The following LTBP4 variants were observed in gnomAD, a reference collection of about 807,000 sequenced individuals.
LTBP4 encodes latent-transforming growth factor beta-binding protein 4.
Under a neutral mutation model 180.2 loss-of-function variants are expected in LTBP4, and 93 were observed. The ratio of observed to expected loss-of-function variants is 0.52; its 90% CI spans 0.44 to 0.61. The LOEUF (loss-of-function observed/expected upper bound fraction) is 0.61. LTBP4 is among the 20% of genes least tolerant of loss of function. The probability of loss-of-function intolerance (pLI) is 0.00; values close to 1 mark genes in which losing one functional copy is unlikely to be tolerated. For missense variants in LTBP4, 2,116 were observed against 2,256.5 expected (o/e 0.94, Z 1.26); for synonymous variants, 947 against 934.5 (o/e 1.01, Z -0.24).
chr19:40,610,056 C>A, intron 11 of LTBP4, 185 bp downstream of exon 11: 1 of 766,406 alleles, frequency 1.3e-6, no homozygotes, highest in Non-Finnish European at 2.0e-6. Flanking sequence ...CCTTTGACCC[C>A]ACCCCTACCC....
In LTBP4 at chr19:40,611,909, G is replaced by C; in HGVS notation, c.2104G>C (p.Glu702Gln). Residue 702 changes from glutamate (E) to glutamine (Q), a missense_variant, in exon 14 of 30, where the codon GAG becomes CAG. Transcript: ENST00000396819. The surrounding 1 kb of genome is among the most constrained non-coding windows in gnomAD (Gnocchi z 4.4). ...SPPPCTYGRC[E>Q]NTEGSFQCVC... ...CCCACCCTGCACCTACGGCCGGTGT[G>C]AGAACACAGAAGGCAGCTTCCAGTG... The C allele has an allele frequency of 6.2e-7, 1 of 1,610,122 alleles. No homozygotes were observed. Among genetic ancestry groups the C allele is most frequent in the Non-Finnish European group, 8.5e-7 (1 of 1,178,472 alleles).
At chr19:40,621,091 G>A (rs572735946) in intron 22 of LTBP4, among the ~76,000 whole-genome samples, 8 of 152,122 alleles carry the variant, frequency 5.3e-5, no homozygotes, top group East Asian at 1.9e-4. Context: ...ACAGGTGTCC[G>A]CCACCACGCC....
chr19:40,621,851 G>T (rs1256646243), intron 22 of LTBP4, among the ~76,000 whole-genome samples: 2 of 152,064 alleles, frequency 1.3e-5, no homozygotes, highest in African/African-American at 4.8e-5. Context: ...GGGTTCAAGC[G>T]ATTCTCCTGC....
chr19:40,599,691 T>G (rs1212360059), upstream of LTBP4: 1 of 792,680 alleles, frequency 1.3e-6, no homozygotes, highest in African/African-American at 1.7e-5. Context: ...GCTATCAGCC[T>G]GTCTGTCCGT....
intron 21 of LTBP4, among the ~76,000 whole-genome samples, chr19:40,617,643 CAAAAAAAAAA>C (rs56053315): frequency 5.1e-5 from 6 of 118,766 alleles, no homozygotes; most frequent in South Asian, 2.5e-4. Flanking sequence ...GACCCTGTCT[CAAAAAAAAAA>C]AAAAAAAAAA....
rs375471279 is a variant in LTBP4, at chr19:40,622,417, G to A, written c.3234G>A (p.Ser1078=). ...TCTCCCCAGGCACGTTCCCAGGCTC[G>A]CAGCCCCAGGCACCTGCTAGCCCCG... ...PRTSAGTFPG[S]QPQAPASPVL... Residue 1078 remains serine, a synonymous_variant, in exon 23 of 30, where the codon TCG becomes TCA. Transcript: ENST00000396819. This position sits in a 1 kb window ranked among gnomAD's most constrained non-coding sequence, Gnocchi z 5.1. 3.0e-5 allele frequency: 46 copies of A among 1,552,118 alleles called. No individual in the cohort carries two copies. Among genetic ancestry groups the A allele is most frequent in the South Asian group, 1.1e-4 (9 of 83,838 alleles).
chr19:40,627,382 C>A, intron 28 of LTBP4, 27 bp downstream of exon 28: 1 of 1,474,554 alleles, frequency 6.8e-7, no homozygotes, highest in Non-Finnish European at 9.0e-7. Flanking sequence ...CATGATGAGA[C>A]TGAGATGAGG....
Position 40,622,674 on chromosome 19 carries a change from A to C in LTBP4, c.3484+7A>C, listed in dbSNP as rs1291202166. ...TGCCCGGGCACCGAGACAGGTGGGC[A>C]TGGGCTGATGGGGACACAGGGCTGA... On this transcript the variant is annotated splice_region_variant and intron_variant, in intron 23 of 29. Transcript: ENST00000396819. The surrounding 1 kb of genome is among the most constrained non-coding windows in gnomAD (Gnocchi z 5.1). The C allele has an allele frequency of 1.3e-6, 2 of 1,594,952 alleles. No individual in the cohort carries two copies. Among genetic ancestry groups the C allele is most frequent in the African/African-American group, 2.7e-5 (2 of 74,592 alleles).
chr19:40,603,450 C>A (rs778528666), intron 1 of LTBP4, among the ~76,000 whole-genome samples: 19 of 152,172 alleles, frequency 1.2e-4, no homozygotes, highest in Non-Finnish European at 2.8e-4. Flanking sequence ...GTTTTCAGCA[C>A]CGTCAAACTG....
At chr19:40,616,609 T>G (rs1389182997) in intron 19 of LTBP4, among the ~76,000 whole-genome samples, 3 of 152,156 alleles carry the variant, frequency 2.0e-5, no homozygotes, top group Non-Finnish European at 2.9e-5. Flanking sequence ...GGTGCATGCC[T>G]GTAGTCCCAG....
At chr19:40,610,975 C>G in intron 12 of LTBP4, 177 bp from the exon 13 acceptor site, 1 of 904,502 alleles carries the variant, frequency 1.1e-6, no homozygotes. Context: ...ACTACAGAGA[C>G]AGAACCAGCC....
chr19:40,618,950 C>T (rs796405200), intron 21 of LTBP4, among the ~76,000 whole-genome samples: 1 of 152,248 alleles, frequency 6.6e-6, no homozygotes, highest in African/African-American at 2.4e-5. Flanking sequence ...GGCCCTAGAA[C>T]CTCTGGGCTA....
At position 40,605,595 on chromosome 19, in the gene LTBP4, C is replaced by A; in HGVS notation, c.633C>A (p.Asp211Glu). The A allele has an allele frequency of 6.2e-7, 1 of 1,600,280 alleles. No homozygotes were observed. The highest frequency in any genetic ancestry group is 8.5e-7 in the Non-Finnish European group (1 of 1,173,526). Reference protein sequence around the residue: ...TVLAQSAPREDGYSDASGFGY... With the variant: ...TVLAQSAPREEGYSDASGFGY... ...TGGCACAGAGCGCGCCGCGGGAGGACGGCTACTCAGATGCCTCGGGCTTCG... is the reference window on the plus strand; with the variant it reads ...TGGCACAGAGCGCGCCGCGGGAGGAAGGCTACTCAGATGCCTCGGGCTTCG... Residue 211 changes from aspartate to glutamate, a missense_variant, in exon 3 of 30, where the codon GAC becomes GAA. By Grantham distance (45) the Asp-to-Glu change is conservative. Coordinates refer to ENST00000396819, the MANE Select transcript of LTBP4 (RefSeq NM_001042545.2). The surrounding 1 kb of genome is among the most constrained non-coding windows in gnomAD (Gnocchi z 5.5).
chr19:40,595,229 G>C (rs1403173034), intron 1 of LTBP4, among the ~76,000 whole-genome samples: 1 of 152,168 alleles, frequency 6.6e-6, no homozygotes, highest in African/African-American at 2.4e-5. Flanking sequence ...ATTAGGGGCA[G>C]AGTGAAGCTC....
intron 1 of LTBP4, among the ~76,000 whole-genome samples, chr19:40,596,218 C>T (rs1272639543): frequency 6.6e-6 from 1 of 152,054 alleles, no homozygotes; most frequent in Admixed American, 6.6e-5. Flanking sequence ...CCGCGCCCGG[C>T]CTAATTTTTG....
chr19:40,604,580 AC>A (rs2081445556), intron 1 of LTBP4, among the ~76,000 whole-genome samples: 2 of 152,188 alleles, frequency 1.3e-5, no homozygotes, highest in African/African-American at 4.8e-5. Flanking sequence ...GGCTGGGCTC[AC>A]GCCTGTAATC....
Position 40,616,778 on chromosome 19 carries a change from T to G in LTBP4, c.2813-111T>G. 3 of 1,274,238 alleles carry G rather than the reference T, an allele frequency of 2.4e-6. No individual in the cohort carries two copies. In the South Asian group the frequency reaches 4.2e-5, roughly 18 times the overall value. The allele number at this position is 1,274,238 out of a possible 1,614,324, so 78.9% of individuals were successfully genotyped here. On this transcript the variant is annotated intron_variant, in intron 19 of 29. Transcript: ENST00000396819. ...ATTGTTGATCTTCAGAAGCTCAGGC[T>G]CCTAGAATACCAGATTGCTAAAGAC...
At position 40,604,415 on chromosome 19, in the gene LTBP4, G is replaced by C. The variant is rs529401799; in HGVS notation, c.251-620G>C. ...TGGTTTGAGTCAATGGAAGGGATCA[G>C]CATTGGGTCGGAGGGGCTGGAACAG... On this transcript the variant is annotated intron_variant, in intron 1 of 29. Coordinates refer to ENST00000396819, the MANE Select transcript of LTBP4 (RefSeq NM_001042545.2). 8.9e-4 allele frequency among the ~76,000 whole-genome samples: 135 copies of C among 152,230 alleles called. 1 individual carries two copies. Among genetic ancestry groups the C allele is most frequent in the African/African-American group, 3.2e-3 (131 of 41,540 alleles).
At chr19:40,594,722 G>T (rs2081381866) in intron 1 of LTBP4, among the ~76,000 whole-genome samples, 1 of 152,168 alleles carries the variant, frequency 6.6e-6, no homozygotes, top group South Asian at 2.1e-4. Context: ...GAGTGCCGTC[G>T]TCACCTGCCC....
Sources: gnomAD v4.1 joint callset for allele counts (sites outside exome capture counted in the v4.1 genomes callset) on GRCh38, gnomAD v4.1.1 for gene constraint, Gnocchi (gnomAD v3.1) non-coding constraint, MANE v1.5 for transcripts, NCBI Gene and HGNC (gene_info 2026-07-23, HGNC 2026-07-21) for gene names.